MED27: variants seen among roughly 807,000 people sequenced by gnomAD.
MED27 encodes the protein mediator of RNA polymerase II transcription subunit 27.
In MED27, 30 loss-of-function variants were observed where a neutral mutation model predicts 38.2. The ratio of observed to expected loss-of-function variants is 0.79; its 90% CI spans 0.59 to 1.07. The LOEUF is 1.07. Ranked by LOEUF, MED27 falls within the 50% of genes least tolerant of loss-of-function variation. The pLI is 0.00. For missense variants in MED27, 289 were observed against 397.5 expected (o/e 0.73, Z 2.32); for synonymous variants, 122 against 153.5 (o/e 0.79, Z 1.52).
chr9:131,966,611 T>G lies in MED27; in HGVS notation c.480-27137A>C, dbSNP rs986322723. Among the ~76,000 whole-genome samples the G allele has an allele frequency of 5.3e-5, 8 of 152,230 alleles. No individual in the cohort carries two copies. In the East Asian group the frequency reaches 1.5e-3, roughly 29 times the overall value. On this transcript the variant is annotated intron_variant, in intron 3 of 7. Transcript: ENST00000292035. Reference sequence around the variant, plus strand: ...CCCTTGTACTCTTCTAGTATCACTTTTAATGAAATGGTTGAAAGCAAGAGC... The same window carrying G: ...CCCTTGTACTCTTCTAGTATCACTTGTAATGAAATGGTTGAAAGCAAGAGC...
At chr9:131,863,758 G>A (rs895954765) in intron 6 of MED27, among the ~76,000 whole-genome samples, 1 of 152,158 alleles carries the variant, frequency 6.6e-6, no homozygotes, top group African/African-American at 2.4e-5. Context: ...GGAGCCCGGC[G>A]CGCCTGGTGT....
intron 2 of MED27, among the ~76,000 whole-genome samples, chr9:132,023,181 T>C (rs1490800901): frequency 6.6e-6 from 1 of 152,090 alleles, no homozygotes; most frequent in Non-Finnish European, 1.5e-5. Context: ...ATAAGAAATA[T>C]GACCCTGAAT....
chr9:132,039,138 G>C, intron 2 of MED27, among the ~76,000 whole-genome samples: 1 of 152,174 alleles, frequency 6.6e-6, no homozygotes, highest in East Asian at 1.9e-4. Context: ...AAGAGTTAAC[G>C]ATTTCTAGAT....
Position 132,079,600 on chromosome 9 carries a change from C to T in MED27, c.203+42G>A, listed in dbSNP as rs1345827071. 5 of 1,594,318 alleles carry T rather than the reference C, an allele frequency of 3.1e-6. No homozygotes were observed. The African/African-American group carries it at 6.7e-5, about 21-fold the overall frequency. ...GAGCGACGTAGGGGCAGGGTCGGAG[C>T]GGGGCCGGTCCCCGACCCCGGCCCC... On this transcript the variant is annotated intron_variant, in intron 1 of 7. Coordinates refer to ENST00000292035, the MANE Select transcript of MED27 (RefSeq NM_004269.4).
At chr9:132,009,226 A>G (rs1832430468) in intron 3 of MED27, among the ~76,000 whole-genome samples, 1 of 152,228 alleles carries the variant, frequency 6.6e-6, no homozygotes, top group African/African-American at 2.4e-5. Flanking sequence ...ATATTTACTG[A>G]ATAAATAAGT....
intron 6 of MED27, among the ~76,000 whole-genome samples, chr9:131,870,739 T>C (rs1838817426): frequency 6.6e-6 from 1 of 152,022 alleles, no homozygotes; most frequent in South Asian, 2.1e-4. Context: ...AGGGTGGAGA[T>C]GGGATTGGAT....
At chr9:131,910,913 A>C (rs1212439966) in intron 4 of MED27, among the ~76,000 whole-genome samples, 1 of 149,748 alleles carries the variant, frequency 6.7e-6, no homozygotes, top group African/African-American at 2.5e-5. Context: ...ATCCCTCCCC[A>C]CCCCCCACAA....
At chr9:131,958,521 CA>C (rs549821371) in intron 3 of MED27, among the ~76,000 whole-genome samples, 491 of 152,330 alleles carry the variant, frequency 3.2e-3, no homozygotes, top group Non-Finnish European at 4.7e-3. Context: ...GTTGGGATTA[CA>C]GGCGTGAGCC....
chr9:131,887,554 C>T (rs1300466937), intron 5 of MED27, among the ~76,000 whole-genome samples: 2 of 152,158 alleles, frequency 1.3e-5, no homozygotes, highest in Non-Finnish European at 2.9e-5. Context: ...TGCCTCTCCT[C>T]AGGGCCAGGA....
intron 6 of MED27, among the ~76,000 whole-genome samples, chr9:131,882,106 T>C (rs1839058747): frequency 6.6e-6 from 1 of 152,192 alleles, no homozygotes; most frequent in African/African-American, 2.4e-5. Context: ...GCACATTGCA[T>C]TTAGCTGTGA....
intron 3 of MED27, among the ~76,000 whole-genome samples, chr9:131,979,497 A>C (rs1484187809): frequency 1.2e-4 from 18 of 152,108 alleles, no homozygotes; most frequent in Admixed American, 7.2e-4. Context: ...AAAAAAAAAA[A>C]AAAAAAACCC....
Position 131,990,427 on chromosome 9 carries a change from C to G in MED27, c.479+23910G>C, listed in dbSNP as rs140796700. 6.0e-3 allele frequency among the ~76,000 whole-genome samples: 908 copies of G among 152,336 alleles called. 1 individual carries two copies. The highest frequency in any genetic ancestry group is 7.8e-3 in the African/African-American group (324 of 41,574). On this transcript the variant is annotated intron_variant, in intron 3 of 7. Coordinates refer to ENST00000292035, the MANE Select transcript of MED27 (RefSeq NM_004269.4). ...GTCCTGAAATTGCACACACTATTTA[C>G]ATGTTCACAAAAACTATCACTGCCA...
At chr9:131,891,120 G>A (rs1839221802) in intron 5 of MED27, among the ~76,000 whole-genome samples, 1 of 152,214 alleles carries the variant, frequency 6.6e-6, no homozygotes, top group Non-Finnish European at 1.5e-5. Context: ...AATGGAGACA[G>A]GATGGGAAGG....
At chr9:131,970,329 G>C (rs1831448880) in intron 3 of MED27, among the ~76,000 whole-genome samples, 1 of 152,250 alleles carries the variant, frequency 6.6e-6, no homozygotes, top group African/African-American at 2.4e-5. Context: ...AGGGCCACCA[G>C]CACAGCACCT....
intron 2 of MED27, among the ~76,000 whole-genome samples, chr9:132,074,312 A>C (rs1172262480): frequency 1.3e-5 from 2 of 152,246 alleles, no homozygotes; most frequent in African/African-American, 4.8e-5. Context: ...ATTCCAACTG[A>C]CTTTACAAAA....
chr9:131,862,601 C>T lies in MED27; in HGVS notation c.801+462G>A, dbSNP rs1163882891. ...ACCAGCTCGCAAGATACTGAACAGG[C>T]ACTGGCAGGAGCCGGCTGCAGCACC... is the stretch of plus-strand genomic sequence containing the variant. On this transcript the variant is annotated intron_variant, in intron 7 of 7. Transcript: ENST00000292035. This position sits in a 1 kb window ranked among gnomAD's most constrained non-coding sequence, Gnocchi z 4.6. 1.3e-5 allele frequency among the ~76,000 whole-genome samples: 2 copies of T among 152,198 alleles called. No individual in the cohort carries two copies. The highest frequency in any genetic ancestry group is 4.8e-5 in the African/African-American group (2 of 41,452).
intron 2 of MED27, among the ~76,000 whole-genome samples, chr9:132,029,878 G>A (rs1032599565): frequency 3.3e-5 from 5 of 151,982 alleles, no homozygotes; most frequent in Admixed American, 6.6e-5. Context: ...GTGTGGGGGC[G>A]GGGGAGGGGA....
intron 2 of MED27, among the ~76,000 whole-genome samples, chr9:132,068,590 G>A (rs1315725980): frequency 6.6e-6 from 1 of 152,112 alleles, no homozygotes; most frequent in East Asian, 1.9e-4. Flanking sequence ...TGTGAAGAGG[G>A]GAAATCAATA....
intron 3 of MED27, among the ~76,000 whole-genome samples, chr9:131,985,853 G>A (rs915620275): frequency 2.6e-5 from 4 of 152,076 alleles, no homozygotes; most frequent in Non-Finnish European, 5.9e-5. Context: ...CTTCCACTGG[G>A]ACAAAATGTG....
Sources: allele counts gnomAD v4.1 joint callset (sites outside exome capture counted in the v4.1 genomes callset), GRCh38; gene constraint gnomAD v4.1.1; non-coding constraint Gnocchi (gnomAD v3.1); transcripts MANE v1.5; gene names NCBI Gene and HGNC (gene_info 2026-07-23, HGNC 2026-07-21).